TBX1: variants seen among roughly 807,000 people sequenced by gnomAD.
TBX1 encodes the protein T-box transcription factor TBX1.
TBX1 carries 16 observed loss-of-function variants against 40.8 expected under a neutral mutation model. The ratio of observed to expected loss-of-function variants is 0.39; its 90% CI spans 0.27 to 0.60. The LOEUF (loss-of-function observed/expected upper bound fraction) is 0.60. Ranked by LOEUF, TBX1 falls within the 20% of genes least tolerant of loss-of-function variation. TBX1 has a pLI of 0.51. For synonymous variants in TBX1, 403 were observed against 336.8 expected (o/e 1.20, Z -2.15); for missense variants, 755 against 728.5 (o/e 1.04, Z -0.42).
rs749558577 is a variant in TBX1, at chr22:19,766,560, G to A, written c.1208G>A (p.Ser403Asn). The A allele has an allele frequency of 7.1e-7, 1 of 1,418,012 alleles. No homozygotes were observed. Among genetic ancestry groups the A allele is most frequent in the Non-Finnish European group, 9.2e-7 (1 of 1,086,108 alleles). The allele number at this position is 1,418,012 out of a possible 1,614,324, so 87.8% of individuals were successfully genotyped here. ...CCCGGCGCGCCCGGAGGCCGGCCCA[G>A]TCCCCCGAACCCCGAGCTGCGCCTG... is the stretch of plus-strand genomic sequence containing the variant. ...PLPGAPGGRP[S>N]PPNPELRLEA... Residue 403 changes from serine to asparagine, a missense_variant, in exon 7 of 7, where the codon AGT (serine) becomes AAT (asparagine). Ser to Asn is a conservative substitution (Grantham distance 46). Transcript: ENST00000649276.
chr22:19,767,097 C>A lies in TBX1; in HGVS notation c.*230C>A. 1 of 1,262,878 alleles carries A rather than the reference C, an allele frequency of 7.9e-7. No homozygotes were observed. The highest frequency in any genetic ancestry group is 1.6e-5 in the African/African-American group (1 of 63,864). 78.2% of individuals were successfully genotyped at this position (1,262,878 alleles called of 1,614,324 possible). On this transcript the variant is annotated 3_prime_UTR_variant, in exon 7 of 7. Transcript: ENST00000649276. ...CCCTGGAGCCACCGCGGGTCCTTCC[C>A]CGGCCCCGAGGGCCAAGGGGGTCCC...
chr22:19,779,350 A>T (rs975787603), exon 9 of TBX1: 1 of 1,614,004 alleles, frequency 6.2e-7, no homozygotes, highest in East Asian at 2.2e-5. Context: ...CAGAGTGCCA[A>T]CCCTTCAATA....
Position 19,766,956 on chromosome 22 carries a change from TA to T in TBX1, c.*90del. 1 of 1,521,500 alleles carries T rather than the reference TA, an allele frequency of 6.6e-7. No homozygotes were observed. Among genetic ancestry groups the T allele is most frequent in the Admixed American group, 2.0e-5 (1 of 49,122 alleles). The allele number at this position is 1,521,500 out of a possible 1,614,324, so 94.2% of individuals were successfully genotyped here. A position where few individuals can be genotyped will look rare whatever the true frequency, so the allele number is the denominator to read the frequency against. ...CCCTGCCCCAAGGGCAAGCAAGGAA[TA>T]CGTTCCCCCAGCCCCAGGGGCCACC... On this transcript the variant is annotated 3_prime_UTR_variant, in exon 7 of 7. Coordinates refer to ENST00000649276, the MANE Select transcript of TBX1 (RefSeq NM_001379200.1).
downstream of TBX1, among the ~76,000 whole-genome samples, chr22:19,767,728 G>A (rs1395333092): frequency 6.6e-6 from 1 of 152,264 alleles, no homozygotes; most frequent in Admixed American, 6.5e-5. Context: ...CGGGACAGAT[G>A]CTTGTGCTTT....
chr22:19,766,345 G>C (rs1469517237), intron 6 of TBX1, 44 bp from the exon 7 acceptor site: 2 of 1,247,024 alleles, frequency 1.6e-6, no homozygotes, highest in Admixed American at 4.4e-5. Context: ...GGAGCTCCTC[G>C]GCGGCCCCGG....
At chr22:19,762,935 G>A (rs942288470) in intron 1 of TBX1, among the ~76,000 whole-genome samples, 2 of 152,206 alleles carry the variant, frequency 1.3e-5, no homozygotes, top group Non-Finnish European at 2.9e-5. Context: ...CAAAAAGTCA[G>A]CAAGGGCGAG....
At chr22:19,771,858 T>C (rs897578894), downstream of TBX1, among the ~76,000 whole-genome samples, 8 of 152,228 alleles carry the variant, frequency 5.3e-5, no homozygotes, top group South Asian at 1.7e-3. Flanking sequence ...GGTGCTGCAG[T>C]TGAGGCCCAT....
chr22:19,776,739 T>C (rs914139067), intron 8 of TBX1, among the ~76,000 whole-genome samples: 4 of 152,016 alleles, frequency 2.6e-5, no homozygotes, highest in Non-Finnish European at 5.9e-5. Context: ...AGCCACCAAC[T>C]CAGAGCCAGC....
rs1409655395 is a variant in TBX1, at chr22:19,765,965, C to A, written c.999C>A (p.Pro333=). Residue 333 remains proline, a synonymous_variant, in exon 6 of 7, where the codon CCC becomes CCA. Transcript: ENST00000649276. Reference sequence around the variant, plus strand: ...GCGCCTTCGCGCGCTCGCGGAACCCCGTGGCTTCCCCGACGCAGCCCAGCG... The same window carrying A: ...GCGCCTTCGCGCGCTCGCGGAACCCAGTGGCTTCCCCGACGCAGCCCAGCG... The part of the protein sequence containing the change: ...LMSAFARSRN[P]VASPTQPSGT... 3.3e-6 allele frequency: 5 copies of A among 1,518,556 alleles called. No homozygotes were observed. The highest frequency in any genetic ancestry group is 4.1e-5 in the Admixed American group (2 of 48,632). 94.1% of individuals were successfully genotyped at this position (1,518,556 alleles called of 1,614,324 possible). A position where few individuals can be genotyped will look rare whatever the true frequency, so the allele number is the denominator to read the frequency against.
downstream of TBX1, among the ~76,000 whole-genome samples, chr22:19,781,253 A>C (rs1400849847): frequency 4.6e-5 from 7 of 151,190 alleles, no homozygotes; most frequent in East Asian, 1.2e-3. Flanking sequence ...TTTTTTTTTA[A>C]TTTTTAATTT....
Position 19,761,283 on chromosome 22 carries a change from C to T in TBX1, c.437+3C>T, listed in dbSNP as rs759797253. ...ATGATCGTCACCAAGGCCGGCAGGT[C>T]AGGGCGCCCCTCCCCACGCCGCGAC... On this transcript the variant is annotated splice_donor_region_variant and intron_variant, in intron 1 of 6. Transcript: ENST00000649276. 1 of 1,545,396 alleles carries T rather than the reference C, an allele frequency of 6.5e-7. No individual in the cohort carries two copies. Among genetic ancestry groups the T allele is most frequent in the Non-Finnish European group, 8.7e-7 (1 of 1,143,266 alleles).
At chr22:19,773,977 G>T (rs1250097700) in intron 8 of TBX1, among the ~76,000 whole-genome samples, 2 of 152,242 alleles carry the variant, frequency 1.3e-5, no homozygotes, top group Non-Finnish European at 2.9e-5. Flanking sequence ...TCCCCAGAAA[G>T]AATTTGAGCT....
At position 19,763,253 on chromosome 22, in the gene TBX1, C is replaced by T. The variant is rs1378343115; in HGVS notation, c.450C>T (p.Pro150=). 1 of 1,614,042 alleles carries T rather than the reference C, an allele frequency of 6.2e-7. No individual in the cohort carries two copies. ...TCATCACCCCCAGGCGGATGTTTCC[C>T]ACCTTCCAAGTGAAGCTCTTCGGCA... ...IVTKAGRRMF[P]TFQVKLFGMD... The change falls in exon 2 of 7, where the codon CCC becomes CCT. Residue 150 remains proline (P), a synonymous_variant. Coordinates refer to ENST00000649276, the MANE Select transcript of TBX1 (RefSeq NM_001379200.1).
downstream of TBX1, chr22:19,782,766 C>T (rs1416375156): frequency 3.5e-6 from 5 of 1,421,772 alleles, no homozygotes; most frequent in African/African-American, 5.7e-5. Flanking sequence ...TAGCTCCTTC[C>T]CTGTTTCTGG....
chr22:19,759,986 G>A (rs898703806), upstream of TBX1, among the ~76,000 whole-genome samples: 4 of 152,226 alleles, frequency 2.6e-5, no homozygotes, highest in African/African-American at 9.6e-5. Context: ...AATAAGAGAG[G>A]AGAGAGCGGG....
At chr22:19,763,434 C>T in intron 2 of TBX1, 92 bp downstream of exon 2, 1 of 1,169,744 alleles carries the variant, frequency 8.5e-7, no homozygotes. Context: ...GGGTCGTCTG[C>T]ACCATGAAAC....
At chr22:19,770,023 G>A (rs922204494), downstream of TBX1, among the ~76,000 whole-genome samples, 1 of 152,216 alleles carries the variant, frequency 6.6e-6, no homozygotes, top group Non-Finnish European at 1.5e-5. Flanking sequence ...GCAGTATGGT[G>A]TAGGGGATAG....
chr22:19,766,327 G>A, intron 6 of TBX1, 62 bp from the exon 7 acceptor site: 1 of 1,231,860 alleles, frequency 8.1e-7, no homozygotes, highest in South Asian at 3.0e-5. Context: ...GGCCTCGCAT[G>A]GGGCGTCGGA....
At chr22:19,765,202 C>T (rs931942332) in intron 4 of TBX1, 89 bp downstream of exon 4, 21 of 1,585,050 alleles carry the variant, frequency 1.3e-5, no homozygotes, top group African/African-American at 8.1e-5. Flanking sequence ...ACAGTGGGTC[C>T]GCTTAGACCT....
Sources: allele counts gnomAD v4.1 joint callset (sites outside exome capture counted in the v4.1 genomes callset), GRCh38; gene constraint gnomAD v4.1.1; transcripts MANE v1.5; gene names NCBI Gene and HGNC (gene_info 2026-07-23, HGNC 2026-07-21).